The following STAC variants were observed in gnomAD, a reference collection of about 807,000 sequenced individuals.
STAC encodes the protein SH3 and cysteine-rich domain-containing protein.
A neutral mutation model predicts 48.8 loss-of-function variants in STAC; 43 were observed. The observed-to-expected ratio is 0.88, with a 90% CI of 0.69 to 1.14. STAC has a LOEUF of 1.14. Ranked by LOEUF, STAC falls within the 50% of genes most tolerant of loss-of-function variation. The probability of loss-of-function intolerance (pLI) is 0.00; values close to 1 mark genes in which losing one functional copy is unlikely to be tolerated. For missense variants in STAC, 497 were observed against 504.0 expected, an observed-to-expected ratio of 0.99 and a Z score of 0.13; for synonymous variants, 193 against 179.5, an observed-to-expected ratio of 1.07 and a Z score of -0.60.
At chr3:36,454,947 G>A (rs1165603464) in intron 2 of STAC, among the ~76,000 whole-genome samples, 3 of 152,106 alleles carry the variant, frequency 2.0e-5, no homozygotes, top group Non-Finnish European at 2.9e-5. Flanking sequence ...GATCTTTCAG[G>A]AAAGTAATGT....
chr3:36,442,684 G>A (rs1696380103), intron 1 of STAC, among the ~76,000 whole-genome samples: 1 of 151,672 alleles, frequency 6.6e-6, no homozygotes, highest in Non-Finnish European at 1.5e-5. Flanking sequence ...ACAAGAGGGA[G>A]GGCAGCAGGA....
At chr3:36,472,213 T>C (rs1047035148) in intron 2 of STAC, among the ~76,000 whole-genome samples, 3 of 152,230 alleles carry the variant, frequency 2.0e-5, no homozygotes, top group East Asian at 3.9e-4. Context: ...GCCCAAGCTC[T>C]ACATTGGCCC....
At chr3:36,475,712 CA>C (rs1162575823) in intron 2 of STAC, among the ~76,000 whole-genome samples, 1 of 152,178 alleles carries the variant, frequency 6.6e-6, no homozygotes, top group Non-Finnish European at 1.5e-5. Context: ...GAGAAGTCCA[CA>C]AGCAAAATTA....
chr3:36,482,922 T>C (rs1697692250), intron 2 of STAC, 70 bp from the exon 3 acceptor site: 4 of 1,077,398 alleles, frequency 3.7e-6, no homozygotes, highest in Non-Finnish European at 4.2e-6. Context: ...CCTCATTTTC[T>C]GTGATTTTAG....
At chr3:36,478,952 T>C (rs73827530) in intron 2 of STAC, among the ~76,000 whole-genome samples, 4,724 of 152,220 alleles carry the variant, frequency 0.031, 222 homozygotes, top group African/African-American at 0.11. Context: ...TAAGTGCTAT[T>C]TTTTTCCAAG....
chr3:36,437,262 C>A (rs1394198887), intron 1 of STAC, among the ~76,000 whole-genome samples: 4 of 150,462 alleles, frequency 2.7e-5, no homozygotes, highest in South Asian at 2.1e-4. Flanking sequence ...TTGACCCAGC[C>A]ATCCCATTAC....
intron 8 of STAC, among the ~76,000 whole-genome samples, chr3:36,513,186 G>A (rs1000396658): frequency 3.9e-5 from 6 of 152,036 alleles, no homozygotes; most frequent in Non-Finnish European, 7.4e-5. Flanking sequence ...AATAAGAAAA[G>A]CTTCTACCAA....
chr3:36,544,405 A>C (rs1024194097), intron 10 of STAC, among the ~76,000 whole-genome samples: 13 of 152,114 alleles, frequency 8.5e-5, no homozygotes, highest in Non-Finnish European at 1.6e-4. Flanking sequence ...CCTGACCCCA[A>C]GTGATCCACC....
At chr3:36,392,537 T>C (rs746006400) in intron 1 of STAC, among the ~76,000 whole-genome samples, 2 of 151,994 alleles carry the variant, frequency 1.3e-5, no homozygotes, top group South Asian at 2.1e-4. Flanking sequence ...TACTTACTTA[T>C]TTATTTATTT....
intron 1 of STAC, among the ~76,000 whole-genome samples, chr3:36,386,162 T>G (rs1349383026): frequency 6.6e-6 from 1 of 152,096 alleles, no homozygotes; most frequent in African/African-American, 2.4e-5. Flanking sequence ...TTTCTCATTT[T>G]GGCCATCTAA....
chr3:36,448,901 A>G (rs1053716460), intron 2 of STAC, among the ~76,000 whole-genome samples: 1 of 143,082 alleles, frequency 7.0e-6, no homozygotes, highest in African/African-American at 2.6e-5. Flanking sequence ...AAAACAGTGA[A>G]CCCCCCCCCC....
chr3:36,528,809 T>A, intron 9 of STAC, 39 bp from the exon 10 acceptor site: 1 of 1,607,980 alleles, frequency 6.2e-7, no homozygotes, highest in Non-Finnish European at 8.5e-7. Context: ...TTATAATACA[T>A]GCTACAATTG....
chr3:36,418,886 A>G (rs1700379825), intron 1 of STAC, among the ~76,000 whole-genome samples: 1 of 151,954 alleles, frequency 6.6e-6, no homozygotes, highest in Non-Finnish European at 1.5e-5. Context: ...TGTCTCTACT[A>G]AAAATACAAA....
chr3:36,509,173 T>G (rs879748934), intron 8 of STAC, among the ~76,000 whole-genome samples: 1 of 152,230 alleles, frequency 6.6e-6, no homozygotes, highest in Admixed American at 6.5e-5. Flanking sequence ...CCTTCACTTA[T>G]GAAGTTTAGT....
intron 5 of STAC, among the ~76,000 whole-genome samples, 159 bp downstream of exon 5, chr3:36,486,408 C>A (rs972964584): frequency 6.6e-6 from 1 of 152,190 alleles, no homozygotes; most frequent in African/African-American, 2.4e-5. Flanking sequence ...CTTTGAGCCA[C>A]TAAGGATTAA....
Position 36,504,400 on chromosome 3 carries a change from A to G in STAC, c.774A>G (p.Thr258=). ...DLRKRSNSVF[T]YPENGTDDFR... ...TTCTCTTGTCTCCTTCAGTGTTTAC[A>G]TATCCAGAAAATGGCACTGATGATT... The change falls in exon 7 of 11, where the codon ACA becomes ACG. Residue 258 remains threonine (T), a synonymous_variant. Transcript: ENST00000273183. 3 of 1,613,242 alleles carry G rather than the reference A, an allele frequency of 1.9e-6. No homozygotes were observed. The highest frequency in any genetic ancestry group is 1.7e-6 in the Non-Finnish European group (2 of 1,179,406).
chr3:36,475,922 G>T (rs2125694865), intron 2 of STAC, among the ~76,000 whole-genome samples: 1 of 152,330 alleles, frequency 6.6e-6, no homozygotes, highest in Non-Finnish European at 1.5e-5. Context: ...TACCTGGGAG[G>T]TTGGAGAGTT....
intron 10 of STAC, among the ~76,000 whole-genome samples, chr3:36,534,922 G>A (rs762637481): frequency 7.9e-5 from 12 of 152,044 alleles, no homozygotes; most frequent in Admixed American, 7.9e-4. Context: ...GCCTCCCAAA[G>A]TACTAGGATT....
At chr3:36,448,912 C>CG (rs200000390) in intron 2 of STAC, among the ~76,000 whole-genome samples, 18,069 of 126,624 alleles carry the variant, frequency 0.14, 1,423 homozygotes, top group East Asian at 0.31. Flanking sequence ...CCCCCCCCCC[C>CG]ACTCCCGACC....
Sources: allele counts gnomAD v4.1 joint callset (sites outside exome capture counted in the v4.1 genomes callset), GRCh38; gene constraint gnomAD v4.1.1; transcripts MANE v1.5; gene names NCBI Gene and HGNC (gene_info 2026-07-23, HGNC 2026-07-21).